Variants in ZFHX3 observed in about 807,000 individuals in gnomAD.
ZFHX3 encodes zinc finger homeobox protein 3.
A neutral mutation model predicts 279.1 loss-of-function variants in ZFHX3; 42 were observed. The observed-to-expected ratio is 0.15, with a 90% CI of 0.12 to 0.19. The LOEUF is 0.19. Ranked by LOEUF, ZFHX3 falls within the 10% of genes least tolerant of loss-of-function variation. ZFHX3 has a pLI of 1.00. For synonymous variants in ZFHX3, 2,293 were observed against 1,957.8 expected (o/e 1.17, Z -4.52); for missense variants, 4,981 against 4,754.0 (o/e 1.05, Z -1.40).
chr16:73,532,854 G>T (rs749752512), intron 2 of ZFHX3, among the ~76,000 whole-genome samples: 30 of 152,170 alleles, frequency 2.0e-4, no homozygotes, highest in Non-Finnish European at 2.2e-4. Flanking sequence ...GTTCTCACCA[G>T]ATCTGATGGT....
intron 3 of ZFHX3, among the ~76,000 whole-genome samples, chr16:73,411,620 T>C (rs1245171082): frequency 3.9e-5 from 6 of 152,232 alleles, no homozygotes; most frequent in African/African-American, 1.4e-4. Context: ...AAGTTTACCT[T>C]GTTTTAAAAT....
chr16:73,871,388 A>C (rs1466481758), intron 1 of ZFHX3, among the ~76,000 whole-genome samples: 1 of 152,166 alleles, frequency 6.6e-6, no homozygotes, highest in African/African-American at 2.4e-5. Context: ...GTCTTGTGAG[A>C]GGAGAGGCAA....
At chr16:73,631,670 C>T (rs1407772347) in intron 2 of ZFHX3, among the ~76,000 whole-genome samples, 1 of 151,916 alleles carries the variant, frequency 6.6e-6, no homozygotes, top group African/African-American at 2.4e-5. Context: ...TTTGGGAGGC[C>T]GAGGCAGGTG....
chr16:73,404,310 T>C (rs1434654713), intron 3 of ZFHX3, among the ~76,000 whole-genome samples: 1 of 152,188 alleles, frequency 6.6e-6, no homozygotes, highest in Admixed American at 6.5e-5. Context: ...TGGTTTGTAA[T>C]GGTTTCCTGG....
chr16:73,540,312 T>G (rs1379314147), intron 2 of ZFHX3, among the ~76,000 whole-genome samples: 2 of 152,228 alleles, frequency 1.3e-5, no homozygotes, highest in Non-Finnish European at 2.9e-5. Flanking sequence ...TGAAACTCTT[T>G]TTTTGTTTTC....
chr16:72,838,504 G>T (rs2037258023), intron 4 of ZFHX3, among the ~76,000 whole-genome samples: 1 of 152,180 alleles, frequency 6.6e-6, no homozygotes, highest in South Asian at 2.1e-4. Context: ...AGTGGCCAGG[G>T]CCTATTAAGG....
At chr16:73,628,918 TATGA>T (rs2052442650) in intron 2 of ZFHX3, among the ~76,000 whole-genome samples, 1 of 152,044 alleles carries the variant, frequency 6.6e-6, no homozygotes, top group African/African-American at 2.4e-5. Flanking sequence ...CCTGCAGATA[TATGA>T]ATGTCTGTGC....
At chr16:73,410,444 A>G (rs1267367569) in intron 3 of ZFHX3, among the ~76,000 whole-genome samples, 2 of 152,112 alleles carry the variant, frequency 1.3e-5, no homozygotes, top group East Asian at 1.9e-4. Flanking sequence ...ACAAAACAAA[A>G]CTACAAGAGT....
intron 1 of ZFHX3, among the ~76,000 whole-genome samples, chr16:73,717,406 A>C (rs1225229325): frequency 6.6e-6 from 1 of 152,168 alleles, no homozygotes; most frequent in East Asian, 1.9e-4. Flanking sequence ...TCCCTGCCCC[A>C]GTGCCCTCCT....
chr16:73,333,546 T>A (rs1567453117), intron 3 of ZFHX3, among the ~76,000 whole-genome samples: 1 of 152,154 alleles, frequency 6.6e-6, no homozygotes, highest in South Asian at 2.1e-4. Flanking sequence ...GTCTTGATTA[T>A]AATCTTGTTG....
chr16:72,794,112 C>T lies in ZFHX3; in HGVS notation c.8570G>A (p.Ser2857Asn), dbSNP rs1372314790. ...TGDEGNADND[S>N]ATGIATETKS... Reference sequence around the variant, plus strand: ...GGTTTCAGTTGCTATTCCCGTTGCACTGTCGTTATCTGCGTTGCCCTCGTC... The same window carrying T: ...GGTTTCAGTTGCTATTCCCGTTGCATTGTCGTTATCTGCGTTGCCCTCGTC... The change falls in exon 9 of 10, where the codon AGT becomes AAT. Residue 2857 changes from serine (S) to asparagine (N), a missense_variant. Ser to Asn is a conservative substitution (Grantham distance 46). Transcript: ENST00000268489. The surrounding 1 kb of genome is among the most constrained non-coding windows in gnomAD (Gnocchi z 4.2). The T allele has an allele frequency of 1.2e-6, 2 of 1,614,116 alleles. No homozygotes were observed. Among genetic ancestry groups the T allele is most frequent in the Middle Eastern group, 1.6e-4 (1 of 6,082 alleles).
chr16:73,629,735 A>T (rs2052450545), intron 2 of ZFHX3, among the ~76,000 whole-genome samples: 1 of 152,196 alleles, frequency 6.6e-6, no homozygotes, highest in Admixed American at 6.5e-5. Context: ...ACATAAAGAG[A>T]TGAATTTAAG....
chr16:73,373,674 G>A (rs1185007884), intron 3 of ZFHX3, among the ~76,000 whole-genome samples: 1 of 152,188 alleles, frequency 6.6e-6, no homozygotes, highest in Non-Finnish European at 1.5e-5. Context: ...AAATGAGGCG[G>A]TACATGATAA....
Position 73,396,286 on chromosome 16 carries a change from A to G in ZFHX3, c.-1291+59717T>C, listed in dbSNP as rs144602830. On this transcript the variant is annotated intron_variant, in intron 3 of 17. Transcript: ENST00000641206. ...ACTGAAGATTGGCTTATTTATGAAT[A>G]TCTTGCACGGTGCAAGTATACCATG... 5.0e-3 allele frequency among the ~76,000 whole-genome samples: 764 copies of G among 152,360 alleles called. 6 individuals are homozygous for G. The highest frequency in any genetic ancestry group is 0.017 in the African/African-American group (724 of 41,582).
chr16:73,502,588 A>G (rs2019257494), intron 2 of ZFHX3, among the ~76,000 whole-genome samples: 1 of 152,200 alleles, frequency 6.6e-6, no homozygotes, highest in African/African-American at 2.4e-5. Flanking sequence ...GATTCCAAAG[A>G]TGGTAGACAG....
intron 6 of ZFHX3, among the ~76,000 whole-genome samples, chr16:73,142,924 C>G (rs1446013787): frequency 6.6e-6 from 1 of 152,154 alleles, no homozygotes; most frequent in Non-Finnish European, 1.5e-5. Flanking sequence ...ATGAAACGGA[C>G]TCCAAAGCTG....
intron 7 of ZFHX3, chr16:73,093,875 C>G: frequency 3.5e-6 from 1 of 288,704 alleles, no homozygotes; most frequent in South Asian, 3.5e-5. Context: ...GAAAAACAAG[C>G]TACTAATAGT....
intron 3 of ZFHX3, among the ~76,000 whole-genome samples, chr16:72,929,966 C>T (rs1959697641): frequency 6.6e-6 from 1 of 152,192 alleles, no homozygotes; most frequent in Non-Finnish European, 1.5e-5. Flanking sequence ...GCCTGTAATC[C>T]CAGCACTTTG....
intron 5 of ZFHX3, among the ~76,000 whole-genome samples, chr16:73,193,423 G>C (rs148861791): frequency 5.3e-5 from 8 of 152,328 alleles, no homozygotes; most frequent in African/African-American, 1.9e-4. Flanking sequence ...GGTGTGAAGA[G>C]TCCTGAAGGT....
Sources: gnomAD v4.1 joint callset for allele counts (sites outside exome capture counted in the v4.1 genomes callset) on GRCh38, gnomAD v4.1.1 for gene constraint, Gnocchi (gnomAD v3.1) non-coding constraint, MANE v1.5 for transcripts, NCBI Gene and HGNC (gene_info 2026-07-23, HGNC 2026-07-21) for gene names.